The following SNX9 variants were observed in gnomAD, a reference collection of about 807,000 sequenced individuals.
SNX9 encodes the protein sorting nexin 9.
A neutral mutation model predicts 89.4 loss-of-function variants in SNX9; 44 were observed. The observed-to-expected ratio is 0.49, with a 90% confidence interval of 0.39 to 0.63. The LOEUF is 0.63. Ranked by LOEUF, SNX9 falls within the 30% of genes least tolerant of loss-of-function variation. The pLI, the probability that SNX9 is intolerant of heterozygous loss-of-function variation, is 0.00. For synonymous variants in SNX9, 236 were observed against 247.8 expected (o/e 0.95, Z 0.45); for missense variants, 578 against 736.1 (o/e 0.79, Z 2.49).
At chr6:157,923,686 C>T (rs988441302) in intron 10 of SNX9, among the ~76,000 whole-genome samples, 2 of 152,090 alleles carry the variant, frequency 1.3e-5, no homozygotes, top group South Asian at 2.1e-4. Flanking sequence ...GACTTTATTG[C>T]GTATCAGAAC....
intron 5 of SNX9, 132 bp from the exon 6 acceptor site, chr6:157,901,766 C>G (rs1016541816): frequency 3.0e-6 from 3 of 986,058 alleles, no homozygotes; most frequent in Non-Finnish European, 4.4e-6. Flanking sequence ...TACTCCTATA[C>G]TATACCCTTT....
At chr6:157,828,741 T>C (rs1303555015) in intron 1 of SNX9, among the ~76,000 whole-genome samples, 1 of 152,120 alleles carries the variant, frequency 6.6e-6, no homozygotes, top group East Asian at 1.9e-4. Context: ...CCGCAAAGTA[T>C]TGGGATTACA....
At chr6:157,825,737 G>C (rs1389869440) in intron 1 of SNX9, among the ~76,000 whole-genome samples, 1 of 152,200 alleles carries the variant, frequency 6.6e-6, no homozygotes, top group Admixed American at 6.5e-5. Flanking sequence ...TTTCTGACAT[G>C]CTGGTGATTC....
At chr6:157,903,978 A>G (rs759876644) in intron 6 of SNX9, among the ~76,000 whole-genome samples, 1 of 152,230 alleles carries the variant, frequency 6.6e-6, no homozygotes, top group Non-Finnish European at 1.5e-5. Flanking sequence ...ACTAAACTGT[A>G]TAAATGAGTC....
intron 9 of SNX9, among the ~76,000 whole-genome samples, chr6:157,920,272 T>C (rs1270193407): frequency 6.6e-6 from 1 of 152,204 alleles, no homozygotes; most frequent in East Asian, 1.9e-4. Flanking sequence ...CCAATGTGTA[T>C]GCATACAGCC....
intron 1 of SNX9, among the ~76,000 whole-genome samples, chr6:157,864,455 A>C (rs1270688241): frequency 6.6e-6 from 1 of 151,992 alleles, no homozygotes; most frequent in Non-Finnish European, 1.5e-5. Flanking sequence ...TTTCTTTCTC[A>C]CTTGTTTCAC....
intron 1 of SNX9, among the ~76,000 whole-genome samples, chr6:157,857,478 G>A (rs1782034859): frequency 1.3e-5 from 2 of 151,684 alleles, no homozygotes; most frequent in Non-Finnish European, 2.9e-5. Flanking sequence ...ATTAATCTTT[G>A]ACCCATTATA....
intron 1 of SNX9, among the ~76,000 whole-genome samples, chr6:157,845,798 G>A (rs1209384049): frequency 1.3e-5 from 2 of 152,304 alleles, no homozygotes; most frequent in Non-Finnish European, 2.9e-5. Flanking sequence ...TGCTTAGGTT[G>A]GAGTATGGTT....
chr6:157,876,226 C>T (rs1278303767), intron 4 of SNX9, among the ~76,000 whole-genome samples: 2 of 152,040 alleles, frequency 1.3e-5, no homozygotes, highest in African/African-American at 4.8e-5. Context: ...CCGAGGCGGG[C>T]GGATCACCTG....
intron 10 of SNX9, among the ~76,000 whole-genome samples, chr6:157,925,245 A>G (rs1417060846): frequency 6.6e-6 from 1 of 150,916 alleles, no homozygotes; most frequent in Non-Finnish European, 1.5e-5. Flanking sequence ...ACAGATGTGT[A>G]GAAAAGTACC....
chr6:157,839,251 C>T (rs1053372105), intron 1 of SNX9, among the ~76,000 whole-genome samples: 4 of 152,098 alleles, frequency 2.6e-5, no homozygotes, highest in African/African-American at 9.7e-5. Flanking sequence ...ATTGGCATTC[C>T]TCTGTGATTC....
chr6:157,827,671 A>C (rs533409515), intron 1 of SNX9, among the ~76,000 whole-genome samples: 1 of 147,678 alleles, frequency 6.8e-6, no homozygotes, highest in South Asian at 2.1e-4. Context: ...CTGGAAAAGA[A>C]ATGAAGAATT....
chr6:157,878,927 T>G (rs10706058), intron 4 of SNX9, among the ~76,000 whole-genome samples: 4,630 of 87,264 alleles, frequency 0.053, 184 homozygotes, highest in African/African-American at 0.19. Flanking sequence ...TGTCCTTTGG[T>G]GGGGGAAGGT....
At chr6:157,847,773 G>T (rs933137668) in intron 1 of SNX9, among the ~76,000 whole-genome samples, 1 of 152,256 alleles carries the variant, frequency 6.6e-6, no homozygotes, top group South Asian at 2.1e-4. Flanking sequence ...TTACTTGTCG[G>T]TTGTGTAAAT....
At chr6:157,939,229 T>A (rs569287292) in intron 16 of SNX9, among the ~76,000 whole-genome samples, 2 of 152,030 alleles carry the variant, frequency 1.3e-5, no homozygotes, top group East Asian at 3.9e-4. Context: ...GGCGGATGGG[T>A]GGATGGCACT....
At chr6:157,839,913 C>G (rs141276175) in intron 1 of SNX9, among the ~76,000 whole-genome samples, 3 of 152,324 alleles carry the variant, frequency 2.0e-5, no homozygotes, top group Non-Finnish European at 4.4e-5. Flanking sequence ...TCAGACCTTT[C>G]TGTCTTAATG....
chr6:157,938,820 A>C lies in SNX9; in HGVS notation c.1648+73A>C, dbSNP rs567788382. ...CCCAGCAAAGTTTCCCTTGATAGAG[A>C]GAAATCCAGATGTGAGCAGCAGTTA... On this transcript the variant is annotated intron_variant, in intron 16 of 17. Coordinates refer to ENST00000392185, the MANE Select transcript of SNX9 (RefSeq NM_016224.5). 3.7e-5 allele frequency: 41 copies of C among 1,122,404 alleles called. No individual in the cohort carries two copies. In the Middle Eastern group the frequency reaches 8.0e-4, roughly 22 times the overall value. 69.5% of individuals were successfully genotyped at this position (1,122,404 alleles called of 1,614,324 possible).
At position 157,837,202 on chromosome 6, in the gene SNX9, C is replaced by G. The variant is rs544683315; in HGVS notation, c.12+13756C>G. 1.8e-4 allele frequency among the ~76,000 whole-genome samples: 27 copies of G among 152,284 alleles called. No homozygotes were observed. In the South Asian group the frequency reaches 5.6e-3, roughly 32 times the overall value. On this transcript the variant is annotated intron_variant, in intron 1 of 17. Coordinates refer to ENST00000392185, the MANE Select transcript of SNX9 (RefSeq NM_016224.5). The stretch of plus-strand genomic sequence containing the variant: ...CGCCAACTTGTAGTGTTGTCAGTAA[C>G]TTTTCAGTTCTTTTGATTGATCGTT...
chr6:157,868,679 T>G (rs1782322533), intron 2 of SNX9, among the ~76,000 whole-genome samples: 1 of 152,264 alleles, frequency 6.6e-6, no homozygotes, highest in South Asian at 2.1e-4. Flanking sequence ...GTAACTGTTC[T>G]TAAAATATGT....
Sources: gnomAD v4.1 joint callset for allele counts (sites outside exome capture counted in the v4.1 genomes callset) on GRCh38, gnomAD v4.1.1 for gene constraint, MANE v1.5 for transcripts, NCBI Gene and HGNC (gene_info 2026-07-23, HGNC 2026-07-21) for gene names.